Variants in EFCAB6 observed in about 807,000 individuals in gnomAD.
EFCAB6 encodes EF-hand calcium binding domain 6.
A neutral mutation model predicts 169.8 loss-of-function variants in EFCAB6; 156 were observed. The ratio of observed to expected loss-of-function variants is 0.92; its 90% CI spans 0.81 to 1.05. The LOEUF (loss-of-function observed/expected upper bound fraction) is 1.05, where lower values mean the gene tolerates loss of function less well. Among genes scored for constraint, EFCAB6 ranks in the 50% least tolerant of loss-of-function variants. The pLI, the probability that EFCAB6 is intolerant of heterozygous loss-of-function variation, is 0.00. For missense variants in EFCAB6, 1,800 were observed against 1,829.1 expected, an observed-to-expected ratio of 0.98 and a Z score of 0.29; for synonymous variants, 698 against 676.4, an observed-to-expected ratio of 1.03 and a Z score of -0.50.
chr22:43,531,897 C>G (rs577948251), intron 30 of EFCAB6: 2 of 152,104 alleles, frequency 1.3e-5, no homozygotes, highest in Non-Finnish European at 2.9e-5. Flanking sequence ...AAGCTGCCTT[C>G]CCCCGAGGAC....
chr22:43,615,942 TA>T lies in EFCAB6; in HGVS notation c.2466-21del. 1 of 1,594,046 alleles carries T rather than the reference TA, an allele frequency of 6.3e-7. No homozygotes were observed. ...TTTGGTCTTAAAAGAAAAAAAATAA[TA>T]AATAACTGTGTTTAAATTTAATGGG... On this transcript the variant is annotated intron_variant, in intron 20 of 31. Transcript: ENST00000262726.
At chr22:43,606,366 G>T (rs1479370317) in intron 22 of EFCAB6, among the ~76,000 whole-genome samples, 1 of 152,212 alleles carries the variant, frequency 6.6e-6, no homozygotes, top group Non-Finnish European at 1.5e-5. Flanking sequence ...GTCATCCTCA[G>T]CCCTGCAAAC....
At chr22:43,589,117 C>T (rs955846563) in intron 24 of EFCAB6, among the ~76,000 whole-genome samples, 3 of 151,618 alleles carry the variant, frequency 2.0e-5, no homozygotes, top group Non-Finnish European at 4.4e-5. Flanking sequence ...ATGCCTGTCA[C>T]TTAGAAGTAG....
intron 17 of EFCAB6, among the ~76,000 whole-genome samples, chr22:43,642,191 T>G (rs2055850400): frequency 6.6e-6 from 1 of 152,170 alleles, no homozygotes; most frequent in Admixed American, 6.5e-5. Context: ...TCCACCCGCC[T>G]CGCCCTCCCA....
At chr22:43,641,910 C>T (rs750481301) in intron 17 of EFCAB6, among the ~76,000 whole-genome samples, 2 of 152,200 alleles carry the variant, frequency 1.3e-5, no homozygotes, top group Non-Finnish European at 2.9e-5. Flanking sequence ...AAAGGATGCA[C>T]CCTGAGGAGA....
At chr22:43,709,732 TAAG>T (rs570859637) in intron 10 of EFCAB6, among the ~76,000 whole-genome samples, 184 of 152,328 alleles carry the variant, frequency 1.2e-3, no homozygotes, top group African/African-American at 4.2e-3. Context: ...GAAAATGAGA[TAAG>T]AAGAAATGGC....
chr22:43,702,328 C>T (rs954936285), intron 10 of EFCAB6, among the ~76,000 whole-genome samples: 2 of 152,166 alleles, frequency 1.3e-5, no homozygotes, highest in Non-Finnish European at 2.9e-5. Flanking sequence ...ACTACTCCCT[C>T]ACAGAAAGTT....
At chr22:43,571,189 A>G (rs931986373) in intron 26 of EFCAB6, among the ~76,000 whole-genome samples, 1 of 152,154 alleles carries the variant, frequency 6.6e-6, no homozygotes, top group Non-Finnish European at 1.5e-5. Context: ...AATATAAGAA[A>G]TGGATTATGA....
intron 6 of EFCAB6, among the ~76,000 whole-genome samples, chr22:43,753,167 C>T (rs533003012): frequency 6.6e-6 from 1 of 152,304 alleles, no homozygotes; most frequent in East Asian, 1.9e-4. Flanking sequence ...ACCTGATTCT[C>T]CATAAATCCC....
At chr22:43,770,479 T>C (rs983041029) in intron 4 of EFCAB6, among the ~76,000 whole-genome samples, 1 of 152,248 alleles carries the variant, frequency 6.6e-6, no homozygotes, top group East Asian at 1.9e-4. Flanking sequence ...ATTTTAACTA[T>C]GTTCAATGAG....
intron 8 of EFCAB6, among the ~76,000 whole-genome samples, chr22:43,722,135 CAT>C (rs762308305): frequency 9.9e-5 from 15 of 152,090 alleles, no homozygotes; most frequent in Non-Finnish European, 1.0e-4. Flanking sequence ...GGCCAACAAA[CAT>C]ATGAAAAAAT....
chr22:43,582,282 A>G (rs1393754208), intron 24 of EFCAB6, among the ~76,000 whole-genome samples: 2 of 152,108 alleles, frequency 1.3e-5, no homozygotes, highest in East Asian at 3.9e-4. Context: ...GATCCTGTTT[A>G]AGGAAGAAAA....
At chr22:43,544,064 T>A (rs1212916991) in intron 27 of EFCAB6, among the ~76,000 whole-genome samples, 1 of 151,664 alleles carries the variant, frequency 6.6e-6, no homozygotes, top group Non-Finnish European at 1.5e-5. Flanking sequence ...CACAACTACT[T>A]CTTCACTCCA....
At chr22:43,725,668 T>C (rs1289964315) in intron 8 of EFCAB6, among the ~76,000 whole-genome samples, 2 of 152,192 alleles carry the variant, frequency 1.3e-5, no homozygotes, top group Non-Finnish European at 2.9e-5. Flanking sequence ...GGCTAAAGTT[T>C]TGAACTGGTA....
chr22:43,763,072 T>C (rs1228090937), intron 5 of EFCAB6, among the ~76,000 whole-genome samples: 1 of 152,094 alleles, frequency 6.6e-6, no homozygotes, highest in Non-Finnish European at 1.5e-5. Flanking sequence ...CAAGTCTCAC[T>C]CTGTCACCCA....
chr22:43,734,909 A>G (rs1215156230), intron 7 of EFCAB6, among the ~76,000 whole-genome samples: 1 of 152,228 alleles, frequency 6.6e-6, no homozygotes, highest in East Asian at 1.9e-4. Context: ...TTTATGAGAT[A>G]CAAGGAGCTA....
chr22:43,787,247 C>A (rs550485105), intron 2 of EFCAB6, among the ~76,000 whole-genome samples: 1 of 152,006 alleles, frequency 6.6e-6, no homozygotes, highest in African/African-American at 2.4e-5. Context: ...TTAAAGGTAT[C>A]CATATTGGAG....
At chr22:43,745,191 TGA>T (rs1378989731) in intron 6 of EFCAB6, among the ~76,000 whole-genome samples, 1 of 152,230 alleles carries the variant, frequency 6.6e-6, no homozygotes, top group Non-Finnish European at 1.5e-5. Context: ...TATAGCACTT[TGA>T]GCTCCAGGAA....
intron 24 of EFCAB6, 64 bp from the exon 25 acceptor site, chr22:43,580,723 C>T: frequency 1.3e-6 from 2 of 1,547,364 alleles, no homozygotes; most frequent in Non-Finnish European, 8.8e-7. Flanking sequence ...CTTATTCATT[C>T]AACAGTTGCT....
Sources: allele counts gnomAD v4.1 joint callset (sites outside exome capture counted in the v4.1 genomes callset), GRCh38; gene constraint gnomAD v4.1.1; transcripts MANE v1.5; gene names NCBI Gene and HGNC (gene_info 2026-07-23, HGNC 2026-07-21).